UBR2: variants seen among roughly 807,000 people sequenced by gnomAD.
UBR2 encodes E3 ubiquitin-protein ligase UBR2.
A neutral mutation model predicts 247.9 loss-of-function variants in UBR2; 92 were observed. The observed-to-expected ratio is 0.37, with a 90% CI of 0.31 to 0.44. The LOEUF is 0.44. Among genes scored for constraint, UBR2 ranks in the 20% least tolerant of loss-of-function variants. The probability of loss-of-function intolerance (pLI) is 1.00; values close to 1 mark genes in which losing one functional copy is unlikely to be tolerated. For synonymous variants in UBR2, 672 were observed against 693.5 expected, an observed-to-expected ratio of 0.97 and a Z score of 0.49; for missense variants, 1,613 against 2,112.6, an observed-to-expected ratio of 0.76 and a Z score of 4.64.
Position 42,622,405 on chromosome 6 carries a change from G to GTTTTTTTTTTTTTTTTTTTTTTTTTTT in UBR2, c.1281+4912_1281+4913insTTTTTTTTTTTTTTTTTTTTTTTTTTT, listed in dbSNP as rs112798050. On this transcript the variant is annotated intron_variant, in intron 11 of 46. Transcript: ENST00000372901. ...ACATTGTTTTTGGGTTTTTTGGTGGGTTTTTTTTTTTTTTGAGACAGAACC... is the reference window on the plus strand; with the variant it reads ...ACATTGTTTTTGGGTTTTTTGGTGGGTTTTTTTTTTTTTTTTTTTTTTTTTTTTTTTTTTTTTTTTTGAGACAGAACC... Among the ~76,000 whole-genome samples the GTTTTTTTTTTTTTTTTTTTTTTTTTTT allele has an allele frequency of 2.9e-5, 4 of 138,780 alleles. No homozygotes were observed. The East Asian group carries it at 6.2e-4, about 22-fold the overall frequency. The allele number at this position is 138,780 out of a possible 152,430, so 91.0% of individuals were successfully genotyped here.
At chr6:42,670,579 G>T (rs1290465922) in intron 35 of UBR2, 81 bp from the exon 36 acceptor site, 6 of 1,016,228 alleles carry the variant, frequency 5.9e-6, no homozygotes, top group Middle Eastern at 3.0e-4. Flanking sequence ...TAGGATTGGG[G>T]TTTTTTTAAC....
chr6:42,574,123 C>A, intron 2 of UBR2, 130 bp downstream of exon 2: 1 of 887,950 alleles, frequency 1.1e-6, no homozygotes, highest in Non-Finnish European at 1.6e-6. Flanking sequence ...ATTACAAATA[C>A]ATGCTATTTA....
chr6:42,638,426 A>G (rs1796238755), intron 15 of UBR2, among the ~76,000 whole-genome samples: 1 of 152,090 alleles, frequency 6.6e-6, no homozygotes, highest in Non-Finnish European at 1.5e-5. Context: ...CCATGGGTAT[A>G]TTATTGAAGT....
At chr6:42,666,105 G>T in intron 33 of UBR2, 62 bp from the exon 34 acceptor site, 2 of 1,410,138 alleles carry the variant, frequency 1.4e-6, no homozygotes, top group Non-Finnish European at 2.0e-6. Flanking sequence ...TGACCTATAT[G>T]GCTGTACTTT....
chr6:42,577,621 AAAAAT>A (rs2151906210), intron 2 of UBR2, among the ~76,000 whole-genome samples: 1 of 146,398 alleles, frequency 6.8e-6, no homozygotes, highest in East Asian at 2.0e-4. Flanking sequence ...AACCATTAAG[AAAAAT>A]AAAACGAGTA....
At chr6:42,614,177 C>CAAAAAA (rs1167450076) in intron 8 of UBR2, among the ~76,000 whole-genome samples, 2 of 11,408 alleles carry the variant, frequency 1.8e-4, no homozygotes, top group African/African-American at 8.3e-4. Context: ...ACTCTGTCTC[C>CAAAAAA]AAAAAAAAAA....
intron 5 of UBR2, among the ~76,000 whole-genome samples, chr6:42,604,920 A>G (rs1793605751): frequency 6.6e-6 from 1 of 151,966 alleles, no homozygotes. Flanking sequence ...CTAGCTATTC[A>G]TGAGGCTGAG....
In UBR2 at chr6:42,654,463, C is replaced by A. The variant is rs185068437; in HGVS notation, c.2770-1158C>A. On this transcript the variant is annotated intron_variant, in intron 25 of 46. Transcript: ENST00000372901. ...GTGTGGGCCCGGCACAGTGGCTCACCCCTGTAATCCTAACACTTTGGGAGG... is the reference window on the plus strand; with the variant it reads ...GTGTGGGCCCGGCACAGTGGCTCACACCTGTAATCCTAACACTTTGGGAGG... 3.4e-4 allele frequency among the ~76,000 whole-genome samples: 51 copies of A among 152,150 alleles called. 1 individual carries two copies. Among genetic ancestry groups the A allele is most frequent in the African/African-American group, 1.2e-3 (50 of 41,518 alleles).
chr6:42,645,852 T>C (rs1195780132), intron 21 of UBR2, among the ~76,000 whole-genome samples: 1 of 152,122 alleles, frequency 6.6e-6, no homozygotes, highest in Non-Finnish European at 1.5e-5. Flanking sequence ...ACCTCAGAAC[T>C]AAGGTTTGTA....
Position 42,620,597 on chromosome 6 carries a change from G to A in UBR2, c.1281+3090G>A, listed in dbSNP as rs115220555. On this transcript the variant is annotated intron_variant, in intron 11 of 46. Coordinates refer to ENST00000372901, the MANE Select transcript of UBR2 (RefSeq NM_001363705.2). ...TGCAACCTCAGCCTCCTGAGTAGCT[G>A]GGACTACATGCGTGCCCAGCTAAGT... Among the ~76,000 whole-genome samples, 674 of 150,788 alleles carry A rather than the reference G, an allele frequency of 4.5e-3. 7 individuals carry two copies. Among genetic ancestry groups the A allele is most frequent in the African/African-American group, 0.014 (588 of 40,930 alleles).
At chr6:42,588,298 C>T (rs767294637) in intron 2 of UBR2, among the ~76,000 whole-genome samples, 13 of 152,226 alleles carry the variant, frequency 8.5e-5, no homozygotes, top group Non-Finnish European at 1.5e-4. Flanking sequence ...TCCATGCCCT[C>T]TCTGGGCATG....
chr6:42,595,493 A>G (rs1054715700), intron 4 of UBR2, among the ~76,000 whole-genome samples: 12 of 152,260 alleles, frequency 7.9e-5, no homozygotes, highest in Non-Finnish European at 1.5e-4. Context: ...TACCTATAAT[A>G]CCAATACTTT....
chr6:42,604,829 C>T lies in UBR2; in HGVS notation c.663-892C>T, dbSNP rs143025872. On this transcript the variant is annotated intron_variant, in intron 5 of 46. Coordinates refer to ENST00000372901, the MANE Select transcript of UBR2 (RefSeq NM_001363705.2). ...ATCACTTGAGCCCAGGAGTTGGAGA[C>T]CAGCCTGGGCAGCATAGTAAGACCC... Among the ~76,000 whole-genome samples, 311 of 152,152 alleles carry T rather than the reference C, an allele frequency of 2.0e-3. 1 individual carries two copies. The highest frequency in any genetic ancestry group is 7.2e-3 in the African/African-American group (301 of 41,520).
intron 4 of UBR2, 39 bp downstream of exon 4, chr6:42,594,343 T>G (rs1227885274): frequency 1.3e-6 from 2 of 1,497,608 alleles, no homozygotes; most frequent in Admixed American, 3.5e-5. Context: ...AACCCAAGTT[T>G]GAAATATTTT....
intron 38 of UBR2, among the ~76,000 whole-genome samples, chr6:42,675,238 C>CA (rs1217194967): frequency 6.6e-6 from 1 of 152,206 alleles, no homozygotes; most frequent in Non-Finnish European, 1.5e-5. Flanking sequence ...AGGAGGCCAA[C>CA]AGAGCTAGCA....
chr6:42,683,198 T>C (rs1168114259), intron 43 of UBR2, 87 bp downstream of exon 43: 18 of 1,109,710 alleles, frequency 1.6e-5, no homozygotes, highest in Admixed American at 2.3e-5. Context: ...AGAAACTGAC[T>C]TCTCAAGCCT....
At chr6:42,680,212 C>T (rs1798959148) in intron 42 of UBR2, among the ~76,000 whole-genome samples, 1 of 152,102 alleles carries the variant, frequency 6.6e-6, no homozygotes, top group African/African-American at 2.4e-5. Context: ...TCTCGAACTC[C>T]TGACCTCAAA....
chr6:42,573,781 A>G lies in UBR2; in HGVS notation c.126A>G (p.Leu42=). ...TCACTAGAGAAGTGTACCAGCATTT[A>G]GCCCACTATGTACCCAAAATCTACT... ...TDLTREVYQH[L]AHYVPKIYCR... is the part of the protein sequence containing the mutation. The change falls in exon 2 of 47, where the codon TTA becomes TTG. Residue 42 remains leucine (L), a synonymous_variant. Coordinates refer to ENST00000372901, the MANE Select transcript of UBR2 (RefSeq NM_001363705.2). 1.2e-6 allele frequency: 2 copies of G among 1,608,682 alleles called. No homozygotes were observed. Among genetic ancestry groups the G allele is most frequent in the Non-Finnish European group, 8.5e-7 (1 of 1,176,870 alleles).
At chr6:42,603,797 C>A in intron 5 of UBR2, 79 bp downstream of exon 5, 1 of 1,381,848 alleles carries the variant, frequency 7.2e-7, no homozygotes, top group Non-Finnish European at 9.7e-7. Flanking sequence ...AGGGCATAAT[C>A]ATTTTTTAAT....
Sources: gnomAD v4.1 joint callset for allele counts (sites outside exome capture counted in the v4.1 genomes callset) on GRCh38, gnomAD v4.1.1 for gene constraint, MANE v1.5 for transcripts, NCBI Gene and HGNC (gene_info 2026-07-23, HGNC 2026-07-21) for gene names.